DOP1B: variants seen among roughly 807,000 people sequenced by gnomAD.
DOP1B encodes protein DOP1B.
Under a neutral mutation model 233.5 loss-of-function variants are expected in DOP1B, and 174 were observed. That is an observed-to-expected ratio of 0.75 (90% CI 0.66 to 0.85). The LOEUF (loss-of-function observed/expected upper bound fraction) is 0.85. Among genes scored for constraint, DOP1B ranks in the 40% least tolerant of loss-of-function variants. The pLI is 0.00. For missense variants in DOP1B, 2,652 were observed against 2,846.6 expected (o/e 0.93, Z 1.56); for synonymous variants, 1,190 against 1,185.6 (o/e 1.00, Z -0.08).
At chr21:36,162,273 C>A (rs557720301) in intron 1 of DOP1B, among the ~76,000 whole-genome samples, 1 of 152,278 alleles carries the variant, frequency 6.6e-6, no homozygotes, top group South Asian at 2.1e-4. Context: ...TGGCTCACTG[C>A]AGCCTCAACC....
chr21:36,223,923 A>G (rs184044241), intron 11 of DOP1B, among the ~76,000 whole-genome samples: 41 of 152,096 alleles, frequency 2.7e-4, no homozygotes, highest in African/African-American at 9.9e-4. Flanking sequence ...GTCATGTCTC[A>G]AACCCTGTTT....
chr21:36,280,063 C>G (rs1329150554), intron 30 of DOP1B, among the ~76,000 whole-genome samples: 1 of 152,178 alleles, frequency 6.6e-6, no homozygotes, highest in East Asian at 1.9e-4. Flanking sequence ...TTAGTAGAGA[C>G]AGGGTTTCTC....
Position 36,233,300 on chromosome 21 carries a change from G to T in DOP1B, c.2622+225G>T, listed in dbSNP as rs376250427. On this transcript the variant is annotated intron_variant, in intron 15 of 36. Transcript: ENST00000691173. ...ACTGGGGCCCCAGTATTCTGGGCCT[G>T]CCAGGACTGAGTGGAACCCCTGCCT... is the stretch of plus-strand genomic sequence containing the variant. Among the ~76,000 whole-genome samples the T allele has an allele frequency of 7.2e-5, 11 of 152,348 alleles. No individual in the cohort carries two copies. The South Asian group carries it at 1.2e-3, about 17-fold the overall frequency.
chr21:36,288,450 C>T lies in DOP1B; in HGVS notation c.6297+300C>T, dbSNP rs151296688. Among the ~76,000 whole-genome samples the T allele has an allele frequency of 2.5e-3, 375 of 152,122 alleles. 2 individuals carry two copies. The highest frequency in any genetic ancestry group is 0.01 in the Middle Eastern group (3 of 294). ...GCTTATGCCTGTAATCCCAGCACTT[C>T]GGGAGGCTAAGGTGGATGGATCACT... On this transcript the variant is annotated intron_variant, in intron 33 of 36. Coordinates refer to ENST00000691173, the MANE Select transcript of DOP1B (RefSeq NM_001320714.2).
intron 33 of DOP1B, 81 bp from the exon 34 acceptor site, chr21:36,288,675 A>AT: frequency 9.2e-7 from 1 of 1,085,040 alleles, no homozygotes; most frequent in Non-Finnish European, 1.4e-6. Context: ...AAATTAATCG[A>AT]TTTTTAAAAA....
chr21:36,201,913 G>A (rs544837842), intron 4 of DOP1B, among the ~76,000 whole-genome samples: 58 of 152,032 alleles, frequency 3.8e-4, no homozygotes, highest in Non-Finnish European at 5.1e-4. Flanking sequence ...GGCCGGGCAC[G>A]GTGGCTCACA....
At position 36,203,861 on chromosome 21, in the gene DOP1B, C is replaced by G. The variant is rs904063087; in HGVS notation, c.491+3360C>G. Among the ~76,000 whole-genome samples, 5 of 151,372 alleles carry G rather than the reference C, an allele frequency of 3.3e-5. No individual in the cohort carries two copies. In the East Asian group the frequency reaches 7.8e-4, roughly 23 times the overall value. ...TTTGGGGTCTGCAGATAACCTATGACTGGTCAGAAATCCTTTTTTTTTTTT... is the reference window on the plus strand; with the variant it reads ...TTTGGGGTCTGCAGATAACCTATGAGTGGTCAGAAATCCTTTTTTTTTTTT... On this transcript the variant is annotated intron_variant, in intron 4 of 36. Transcript: ENST00000691173.
At chr21:36,163,692 T>C (rs958926300) in intron 1 of DOP1B, among the ~76,000 whole-genome samples, 1 of 152,168 alleles carries the variant, frequency 6.6e-6, no homozygotes, top group Admixed American at 6.5e-5. Context: ...TCAATTAGGA[T>C]TGTGGTTGGC....
intron 2 of DOP1B, among the ~76,000 whole-genome samples, chr21:36,184,690 C>T (rs564614882): frequency 4.8e-4 from 73 of 152,326 alleles, no homozygotes; most frequent in Middle Eastern, 3.4e-3. Flanking sequence ...GCGTTCCCCT[C>T]CTTGGTGCTC....
chr21:36,205,369 T>A (rs1323960127), intron 4 of DOP1B, among the ~76,000 whole-genome samples: 1 of 151,738 alleles, frequency 6.6e-6, no homozygotes, highest in African/African-American at 2.4e-5. Flanking sequence ...TTTTTTTTAA[T>A]GTTTGTTGGT....
chr21:36,273,355 C>T (rs1356349351), intron 27 of DOP1B, among the ~76,000 whole-genome samples: 11 of 151,800 alleles, frequency 7.2e-5, no homozygotes, highest in South Asian at 2.1e-4. Context: ...TGCAGTGCGC[C>T]GAGATCGTGC....
intron 32 of DOP1B, 87 bp downstream of exon 32, chr21:36,281,698 C>T: frequency 7.8e-7 from 1 of 1,277,270 alleles, no homozygotes; most frequent in Non-Finnish European, 1.1e-6. Context: ...TTTATTGCCT[C>T]ACAGTTCTGG....
chr21:36,252,456 TAAAAA>T, intron 22 of DOP1B, among the ~76,000 whole-genome samples: 1 of 102,188 alleles, frequency 9.8e-6, no homozygotes, highest in Admixed American at 1.1e-4. Context: ...ACACTTCATG[TAAAAA>T]AAAAAAAAAA....
At chr21:36,183,135 C>T (rs980797515) in intron 2 of DOP1B, among the ~76,000 whole-genome samples, 3 of 152,190 alleles carry the variant, frequency 2.0e-5, no homozygotes, top group East Asian at 1.9e-4. Flanking sequence ...CTCTCGCCTT[C>T]GCCTCCTGAG....
At chr21:36,175,018 G>A (rs982683459) in intron 2 of DOP1B, among the ~76,000 whole-genome samples, 2 of 152,158 alleles carry the variant, frequency 1.3e-5, no homozygotes, top group Non-Finnish European at 2.9e-5. Context: ...TGGTTCTTCT[G>A]AGGCCTCGCT....
intron 11 of DOP1B, among the ~76,000 whole-genome samples, chr21:36,224,987 C>T (rs2066665755): frequency 6.6e-6 from 1 of 151,970 alleles, no homozygotes; most frequent in African/African-American, 2.4e-5. Context: ...CTTGGGATTA[C>T]ATCTGTCGAT....
chr21:36,232,217 A>G (rs2066775579), intron 14 of DOP1B, among the ~76,000 whole-genome samples: 1 of 151,520 alleles, frequency 6.6e-6, no homozygotes. Context: ...TCCTGGCCTC[A>G]TATGATCTGC....
At chr21:36,249,571 T>G (rs2067010001) in intron 21 of DOP1B, among the ~76,000 whole-genome samples, 2 of 152,214 alleles carry the variant, frequency 1.3e-5, no homozygotes, top group Non-Finnish European at 2.9e-5. Flanking sequence ...CTGTCAAACA[T>G]GGCCCCATCA....
chr21:36,213,708 T>C (rs1601416670), intron 7 of DOP1B, among the ~76,000 whole-genome samples: 1 of 151,270 alleles, frequency 6.6e-6, no homozygotes, highest in Non-Finnish European at 1.5e-5. Context: ...CCGGCTAATT[T>C]TTTGTATTTT....
Sources: allele counts gnomAD v4.1 joint callset (sites outside exome capture counted in the v4.1 genomes callset), GRCh38; gene constraint gnomAD v4.1.1; transcripts MANE v1.5; gene names NCBI Gene and HGNC (gene_info 2026-07-23, HGNC 2026-07-21).